Variants in NR1I2 observed in about 807,000 individuals in gnomAD.
NR1I2 encodes the protein orphan nuclear receptor PAR1.
A neutral mutation model predicts 43.3 loss-of-function variants in NR1I2; 42 were observed. That is an observed-to-expected ratio of 0.97 (90% CI 0.76 to 1.26). The LOEUF (loss-of-function observed/expected upper bound fraction) is 1.26, where lower values mean the gene tolerates loss of function less well. Ranked by LOEUF, NR1I2 falls within the 50% of genes most tolerant of loss-of-function variation. NR1I2 has a pLI of 0.00. For synonymous variants in NR1I2, 229 were observed against 215.0 expected (o/e 1.06, Z -0.57); for missense variants, 559 against 566.7 (o/e 0.99, Z 0.14).
In NR1I2 at chr3:119,815,399, GGAGT is replaced by G; in HGVS notation, c.1015_1018del (p.Glu339MetfsTer3). On this transcript the variant is annotated frameshift_variant, in exon 7 of 9. Coordinates refer to ENST00000393716, the MANE Select transcript of NR1I2 (RefSeq NM_003889.4). LOFTEE classifies it high-confidence loss of function. The stretch of plus-strand genomic sequence containing the variant: ...TGAAGAAGCTGCAGCTGCATGAGGA[GGAGT>G]ATGTGCTGATGCAGGCCATCTCCCT... 1 of 1,613,454 alleles carries G rather than the reference GGAGT, an allele frequency of 6.2e-7. No homozygotes were observed. The highest frequency in any genetic ancestry group is 8.5e-7 in the Non-Finnish European group (1 of 1,179,996).
chr3:119,786,871 C>T (rs2054849478), intron 1 of NR1I2, among the ~76,000 whole-genome samples: 3 of 152,132 alleles, frequency 2.0e-5, no homozygotes, highest in African/African-American at 7.2e-5. Context: ...GTTAATAATA[C>T]TTGATTTGTT....
intron 1 of NR1I2, among the ~76,000 whole-genome samples, chr3:119,799,985 AACAC>A (rs35486268): frequency 8.5e-4 from 121 of 142,494 alleles, no homozygotes; most frequent in African/African-American, 1.7e-3. Flanking sequence ...CAAACAAACA[AACAC>A]ACACACACAC....
At chr3:119,811,130 C>T (rs184700636) in intron 3 of NR1I2, 11 of 175,288 alleles carry the variant, frequency 6.3e-5, no homozygotes, top group African/African-American at 9.5e-5. Flanking sequence ...CATTTAACAG[C>T]GGTGCGAGGT....
intron 1 of NR1I2, 72 bp from the exon 2 acceptor site, chr3:119,807,157 A>T: frequency 7.5e-7 from 1 of 1,329,324 alleles, no homozygotes; most frequent in African/African-American, 1.5e-5. Flanking sequence ...TAGAAGGGAC[A>T]GAGTGTTTCC....
At position 119,810,112 on chromosome 3, in the gene NR1I2, C is replaced by T; in HGVS notation, c.249C>T (p.Ala83=). ...TGAGGTGCCCCTTCCGGAAGGGCGC[C>T]TGCGAGATCACCCGGAAGACCCGGC... The change falls in exon 3 of 9, where the codon GCC becomes GCT. Residue 83 remains alanine, a synonymous_variant. Transcript: ENST00000393716. 1.2e-6 allele frequency: 2 copies of T among 1,613,786 alleles called. No homozygotes were observed. The highest frequency in any genetic ancestry group is 8.5e-7 in the Non-Finnish European group (1 of 1,179,938).
Position 119,817,760 on chromosome 3 carries a change from A to G in NR1I2, c.*548A>G. 9.9e-7 allele frequency: 1 copy of G among 1,009,256 alleles called. No homozygotes were observed. Among genetic ancestry groups the G allele is most frequent in the Non-Finnish European group, 1.2e-6 (1 of 842,934 alleles). 62.5% of individuals were successfully genotyped at this position (1,009,256 alleles called of 1,614,324 possible). A position where few individuals can be genotyped will look rare whatever the true frequency, so the allele number is the denominator to read the frequency against. ...GCATGAGTATCTGTGGGAGTCCTCT[A>G]GAGAGATGAGAAGCCAGGAGGCCTG... On this transcript the variant is annotated 3_prime_UTR_variant, in exon 9 of 9. Transcript: ENST00000393716.
intron 1 of NR1I2, among the ~76,000 whole-genome samples, chr3:119,789,892 T>C (rs2054893140): frequency 6.6e-6 from 1 of 152,236 alleles, no homozygotes; most frequent in Non-Finnish European, 1.5e-5. Flanking sequence ...CTTTTTTTAA[T>C]TTGTAAAATA....
intron 1 of NR1I2, among the ~76,000 whole-genome samples, chr3:119,785,768 G>GA (rs1321765361): frequency 6.6e-6 from 1 of 152,180 alleles, no homozygotes; most frequent in East Asian, 1.9e-4. Flanking sequence ...AATCCTGCAT[G>GA]AAAAATGACA....
chr3:119,813,230 G>C (rs567452619), intron 5 of NR1I2, among the ~76,000 whole-genome samples: 16 of 152,308 alleles, frequency 1.1e-4, no homozygotes, highest in African/African-American at 3.8e-4. Flanking sequence ...GGGCTGTTCT[G>C]TGAAATAAGA....
chr3:119,816,069 T>C (rs2055324615), intron 8 of NR1I2, among the ~76,000 whole-genome samples: 1 of 152,242 alleles, frequency 6.6e-6, no homozygotes, highest in Admixed American at 6.5e-5. Context: ...GTAGCTCCTG[T>C]GACCTACTGC....
chr3:119,799,952 C>A (rs1397518790), intron 1 of NR1I2, among the ~76,000 whole-genome samples: 1 of 151,844 alleles, frequency 6.6e-6, no homozygotes, highest in African/African-American at 2.4e-5. Context: ...CGTGATGAGA[C>A]TTTGTCTCAA....
At chr3:119,803,591 T>C (rs2055110480) in intron 1 of NR1I2, among the ~76,000 whole-genome samples, 2 of 152,332 alleles carry the variant, frequency 1.3e-5, no homozygotes, top group South Asian at 4.1e-4. Flanking sequence ...TATGGCAACC[T>C]GAATGCACTA....
intron 4 of NR1I2, among the ~76,000 whole-genome samples, chr3:119,812,006 C>A (rs2055250556): frequency 6.6e-6 from 1 of 152,112 alleles, no homozygotes; most frequent in African/African-American, 2.4e-5. Context: ...GGGGCAGGAC[C>A]CCCCGGTGAT....
At chr3:119,805,940 A>G (rs1017914187) in intron 1 of NR1I2, among the ~76,000 whole-genome samples, 3 of 152,070 alleles carry the variant, frequency 2.0e-5, no homozygotes, top group African/African-American at 7.2e-5. Context: ...TTTCCAGTCA[A>G]TGTATTTTAT....
intron 1 of NR1I2, among the ~76,000 whole-genome samples, chr3:119,796,224 G>T (rs569076457): frequency 2.0e-5 from 3 of 152,260 alleles, no homozygotes; most frequent in Middle Eastern, 3.4e-3. Flanking sequence ...CAAGTGTACC[G>T]CACTTCACGG....
intron 1 of NR1I2, among the ~76,000 whole-genome samples, chr3:119,793,646 T>C (rs1336762191): frequency 6.6e-6 from 1 of 152,214 alleles, no homozygotes; most frequent in East Asian, 1.9e-4. Context: ...TTTTCTAATT[T>C]TAAGATTCAT....
intron 1 of NR1I2, among the ~76,000 whole-genome samples, chr3:119,806,605 C>T (rs1366508262): frequency 6.6e-6 from 1 of 152,162 alleles, no homozygotes; most frequent in Non-Finnish European, 1.5e-5. Flanking sequence ...TTAATAGGCA[C>T]AAGTTCTTCA....
At chr3:119,789,042 T>C (rs1314428386) in intron 1 of NR1I2, among the ~76,000 whole-genome samples, 1 of 152,202 alleles carries the variant, frequency 6.6e-6, no homozygotes, top group East Asian at 1.9e-4. Flanking sequence ...GTGATCTGTA[T>C]GTACTTGAAA....
chr3:119,795,975 G>A (rs1050908412), intron 1 of NR1I2, among the ~76,000 whole-genome samples: 5 of 152,064 alleles, frequency 3.3e-5, no homozygotes, highest in East Asian at 3.9e-4. Flanking sequence ...GCACTCACCC[G>A]TGTTCTCACA....
Sources: gnomAD v4.1 joint callset for allele counts (sites outside exome capture counted in the v4.1 genomes callset) on GRCh38, gnomAD v4.1.1 for gene constraint, MANE v1.5 for transcripts, NCBI Gene and HGNC (gene_info 2026-07-23, HGNC 2026-07-21) for gene names.